The following ADAMTSL1 variants were observed in gnomAD, a reference collection of about 807,000 sequenced individuals.
ADAMTSL1 encodes ADAMTS-like protein 1.
In ADAMTSL1, 126 loss-of-function variants were observed where a neutral mutation model predicts 201.8. The ratio of observed to expected loss-of-function variants is 0.62; its 90% CI spans 0.54 to 0.72. The LOEUF (loss-of-function observed/expected upper bound fraction) is 0.72, where lower values mean the gene tolerates loss of function less well. Among genes scored for constraint, ADAMTSL1 ranks in the 30% least tolerant of loss-of-function variants. The pLI, the probability that ADAMTSL1 is intolerant of heterozygous loss-of-function variation, is 0.00. For missense variants in ADAMTSL1, 2,679 were observed against 2,277.8 expected (o/e 1.18, Z -3.59); for synonymous variants, 1,121 against 903.4 (o/e 1.24, Z -4.32).
chr9:18,098,169 T>A (rs1824337895), intron 1 of ADAMTSL1, among the ~76,000 whole-genome samples: 1 of 152,068 alleles, frequency 6.6e-6, no homozygotes, highest in African/African-American at 2.4e-5. Context: ...TATATTTATC[T>A]ATATGTTTAT....
At chr9:18,226,856 T>A (rs1487960970) in intron 2 of ADAMTSL1, among the ~76,000 whole-genome samples, 1 of 152,162 alleles carries the variant, frequency 6.6e-6, no homozygotes, top group Non-Finnish European at 1.5e-5. Context: ...TGAATAATAA[T>A]CATGAATCCA....
At chr9:17,969,583 T>G (rs1020338656) in intron 1 of ADAMTSL1, among the ~76,000 whole-genome samples, 4 of 152,088 alleles carry the variant, frequency 2.6e-5, no homozygotes, top group African/African-American at 9.7e-5. Flanking sequence ...TCACGAGCAC[T>G]GCTGAGTTGT....
At chr9:18,853,505 C>G (rs1826634893) in intron 23 of ADAMTSL1, among the ~76,000 whole-genome samples, 1 of 152,178 alleles carries the variant, frequency 6.6e-6, no homozygotes. Context: ...CAAGAGGAGT[C>G]ATTGATCATC....
intron 2 of ADAMTSL1, among the ~76,000 whole-genome samples, chr9:18,282,948 T>A (rs1271347720): frequency 6.6e-6 from 1 of 152,244 alleles, no homozygotes; most frequent in Non-Finnish European, 1.5e-5. Flanking sequence ...AAGTTTTCTA[T>A]ACATGTCAGT....
chr9:18,248,728 T>C (rs1204321843), intron 2 of ADAMTSL1, among the ~76,000 whole-genome samples: 3 of 152,170 alleles, frequency 2.0e-5, no homozygotes, highest in Non-Finnish European at 4.4e-5. Flanking sequence ...TAACCCTTTT[T>C]TGGTCTGTGT....
chr9:18,100,332 G>A (rs1824460355), intron 1 of ADAMTSL1, among the ~76,000 whole-genome samples: 1 of 152,120 alleles, frequency 6.6e-6, no homozygotes, highest in African/African-American at 2.4e-5. Flanking sequence ...CCAGGCTAGA[G>A]TACAGTGGCA....
At chr9:18,021,009 C>G (rs1057494396) in intron 1 of ADAMTSL1, among the ~76,000 whole-genome samples, 1 of 152,128 alleles carries the variant, frequency 6.6e-6, no homozygotes, top group Admixed American at 6.5e-5. Context: ...GGATGGTCTG[C>G]ACAGTGGTAC....
chr9:18,691,400 A>C (rs1831205189), intron 13 of ADAMTSL1, among the ~76,000 whole-genome samples: 6 of 152,212 alleles, frequency 3.9e-5, no homozygotes. Context: ...TTCCAGAACT[A>C]GTACTTGGGG....
At chr9:18,347,190 T>G (rs371008759) in intron 2 of ADAMTSL1, among the ~76,000 whole-genome samples, 20 of 152,266 alleles carry the variant, frequency 1.3e-4, no homozygotes, top group East Asian at 5.8e-4. Context: ...TAGCTTATAT[T>G]TATCCTCTTC....
At chr9:18,042,691 A>G (rs1821478982) in intron 1 of ADAMTSL1, among the ~76,000 whole-genome samples, 1 of 152,172 alleles carries the variant, frequency 6.6e-6, no homozygotes, top group Non-Finnish European at 1.5e-5. Flanking sequence ...TCTGGAAGCC[A>G]ATCAAAATGG....
At chr9:18,855,726 C>A (rs1471275954) in intron 23 of ADAMTSL1, among the ~76,000 whole-genome samples, 1 of 152,172 alleles carries the variant, frequency 6.6e-6, no homozygotes, top group Non-Finnish European at 1.5e-5. Flanking sequence ...TCTCTGTTGG[C>A]AGTGCCTGCT....
chr9:18,549,103 T>C (rs1820642273), intron 3 of ADAMTSL1, among the ~76,000 whole-genome samples: 1 of 151,808 alleles, frequency 6.6e-6, no homozygotes, highest in Non-Finnish European at 1.5e-5. Flanking sequence ...AAAATAGTTA[T>C]CAGACTAAAG....
intron 5 of ADAMTSL1, among the ~76,000 whole-genome samples, chr9:18,629,639 G>A (rs10963681): frequency 0.12 from 17,742 of 152,034 alleles, 1,314 homozygotes; most frequent in Admixed American, 0.19. Flanking sequence ...AGTTTGATTC[G>A]GCAGTATTTT....
chr9:18,606,094 G>A (rs1191947269), intron 4 of ADAMTSL1, among the ~76,000 whole-genome samples: 2 of 152,114 alleles, frequency 1.3e-5, no homozygotes, highest in Non-Finnish European at 1.5e-5. Flanking sequence ...GCCCAGATGC[G>A]AGCTGTTTGG....
At chr9:18,668,279 A>G (rs1485955817) in intron 9 of ADAMTSL1, among the ~76,000 whole-genome samples, 1 of 152,192 alleles carries the variant, frequency 6.6e-6, no homozygotes, top group Non-Finnish European at 1.5e-5. Flanking sequence ...ATTATTCATA[A>G]TGAGATAAAT....
Position 18,201,020 on chromosome 9 carries a change from G to A in ADAMTSL1, c.207+37039G>A, listed in dbSNP as rs539010374. ...CAAATCTTTCTCAACAGTGAGGAAT[G>A]GTATCAAGTTATGAAATATTCAATC... On this transcript the variant is annotated intron_variant, in intron 2 of 29. Coordinates refer to the ADAMTSL1 transcript ENST00000680146. Among the ~76,000 whole-genome samples, 8 of 152,014 alleles carry A rather than the reference G, an allele frequency of 5.3e-5. No individual in the cohort carries two copies. In the East Asian group the frequency reaches 1.4e-3, roughly 26 times the overall value.
chr9:18,635,099 A>G (rs572617631), intron 5 of ADAMTSL1, among the ~76,000 whole-genome samples: 2 of 151,768 alleles, frequency 1.3e-5, no homozygotes, highest in Non-Finnish European at 2.9e-5. Flanking sequence ...CTCTGTGCCA[A>G]TGTCAGAAGT....
chr9:18,384,502 C>G (rs894103978), intron 2 of ADAMTSL1, among the ~76,000 whole-genome samples: 5 of 152,044 alleles, frequency 3.3e-5, no homozygotes. Flanking sequence ...TCCTTCAATG[C>G]CCTCATCTCT....
chr9:18,612,911 C>A (rs1825472742), intron 4 of ADAMTSL1, among the ~76,000 whole-genome samples: 1 of 152,142 alleles, frequency 6.6e-6, no homozygotes, highest in African/African-American at 2.4e-5. Flanking sequence ...AAGAAACTAT[C>A]ATCAGAGTGA....
Sources: allele counts gnomAD v4.1 joint callset (sites outside exome capture counted in the v4.1 genomes callset), GRCh38; gene constraint gnomAD v4.1.1; transcripts MANE v1.5; gene names NCBI Gene and HGNC (gene_info 2026-07-23, HGNC 2026-07-21).